Variants in MLLT3 observed in about 807,000 individuals in gnomAD.
MLLT3 encodes the protein protein AF-9.
MLLT3 carries 4 observed loss-of-function variants against 53.2 expected under a neutral mutation model. That is an observed-to-expected ratio of 0.08 (90% CI 0.04 to 0.17). The LOEUF is 0.17. Ranked by LOEUF, MLLT3 falls within the 10% of genes least tolerant of loss-of-function variation. MLLT3 has a pLI of 1.00. For missense variants in MLLT3, 569 were observed against 684.0 expected (o/e 0.83, Z 1.87); for synonymous variants, 283 against 230.6 (o/e 1.23, Z -2.06).
At chr9:20,489,676 A>G (rs1824898733) in intron 2 of MLLT3, among the ~76,000 whole-genome samples, 2 of 152,212 alleles carry the variant, frequency 1.3e-5, no homozygotes, top group Non-Finnish European at 2.9e-5. Flanking sequence ...AGAGTACCTA[A>G]AATTCCAACA....
At chr9:20,588,310 G>C (rs1476868412) in intron 2 of MLLT3, among the ~76,000 whole-genome samples, 2 of 150,004 alleles carry the variant, frequency 1.3e-5, no homozygotes, top group East Asian at 2.0e-4. Flanking sequence ...GCTTAGGATT[G>C]ACTTGGCGAT....
At chr9:20,595,094 C>T (rs939168116) in intron 2 of MLLT3, among the ~76,000 whole-genome samples, 2 of 152,028 alleles carry the variant, frequency 1.3e-5, no homozygotes, top group African/African-American at 4.8e-5. Flanking sequence ...CCGTGGCTCA[C>T]AACTGTCATC....
intron 2 of MLLT3, among the ~76,000 whole-genome samples, chr9:20,499,279 T>G: frequency 6.6e-6 from 1 of 152,290 alleles, no homozygotes; most frequent in East Asian, 1.9e-4. Flanking sequence ...TAAGGTCACA[T>G]TCAAAGGTAC....
chr9:20,428,304 G>A (rs1295948055), intron 4 of MLLT3, among the ~76,000 whole-genome samples: 2 of 151,920 alleles, frequency 1.3e-5, no homozygotes, highest in Non-Finnish European at 2.9e-5. Context: ...ACTAACAGGA[G>A]CCTTTTAGTA....
chr9:20,392,502 A>G (rs114641383), intron 5 of MLLT3, among the ~76,000 whole-genome samples: 1,683 of 152,312 alleles, frequency 0.011, 29 homozygotes, highest in African/African-American at 0.038. Context: ...TCTAAGGCCC[A>G]TCTCCCTTTT....
intron 2 of MLLT3, among the ~76,000 whole-genome samples, chr9:20,458,353 C>T (rs1051528605): frequency 2.0e-5 from 3 of 152,104 alleles, no homozygotes; most frequent in Non-Finnish European, 4.4e-5. Flanking sequence ...CGACAGCAGC[C>T]CAGAATACTT....
intron 10 of MLLT3, among the ~76,000 whole-genome samples, chr9:20,352,710 T>TA (rs59397349): frequency 0.064 from 7,422 of 116,722 alleles, 225 homozygotes; most frequent in African/African-American, 0.086. Flanking sequence ...CATTAAATGT[T>TA]AAAAAAAAAA....
At chr9:20,593,097 T>C (rs148369468) in intron 2 of MLLT3, among the ~76,000 whole-genome samples, 1 of 152,192 alleles carries the variant, frequency 6.6e-6, no homozygotes, top group Non-Finnish European at 1.5e-5. Context: ...AAATTTACTA[T>C]AGCAGAAATT....
In MLLT3 at chr9:20,621,833, C is replaced by T. The variant is rs1821021146; in HGVS notation, c.12+412G>A. The T allele has an allele frequency of 1.4e-6, 2 of 1,405,386 alleles. No individual in the cohort carries two copies. Among genetic ancestry groups the T allele is most frequent in the African/African-American group, 1.5e-5 (1 of 65,538 alleles). The allele number at this position is 1,405,386 out of a possible 1,614,324, so 87.1% of individuals were successfully genotyped here. On this transcript the variant is annotated intron_variant, in intron 1 of 10. Transcript: ENST00000380338. This position sits in a 1 kb window ranked among gnomAD's most constrained non-coding sequence, Gnocchi z 7.0. ...CCGCCGAGGCTGCTCGCCGCGTCCC[C>T]GGACTGTGCCCGCAGCTCCCGGCGG... is the stretch of plus-strand genomic sequence containing the variant.
At chr9:20,591,704 A>T (rs1320122070) in intron 2 of MLLT3, among the ~76,000 whole-genome samples, 1 of 152,230 alleles carries the variant, frequency 6.6e-6, no homozygotes, top group Non-Finnish European at 1.5e-5. Flanking sequence ...AATATTTCAC[A>T]GAAAGAATAC....
chr9:20,457,893 T>C (rs13286582), intron 2 of MLLT3, among the ~76,000 whole-genome samples: 5 of 152,154 alleles, frequency 3.3e-5, no homozygotes, highest in African/African-American at 1.2e-4. Flanking sequence ...TGCATTTTGG[T>C]GGTATCACAA....
intron 5 of MLLT3, among the ~76,000 whole-genome samples, chr9:20,405,426 A>G (rs1822554776): frequency 6.6e-6 from 1 of 152,234 alleles, no homozygotes; most frequent in Non-Finnish European, 1.5e-5. Flanking sequence ...TGTTTAGTCA[A>G]TATCACAGTG....
intron 2 of MLLT3, among the ~76,000 whole-genome samples, chr9:20,461,733 A>G (rs1347616976): frequency 2.0e-5 from 3 of 152,174 alleles, no homozygotes; most frequent in Non-Finnish European, 4.4e-5. Flanking sequence ...AACAGCTGGT[A>G]GATTCCTCTC....
At chr9:20,522,842 G>C (rs1337274488) in intron 2 of MLLT3, among the ~76,000 whole-genome samples, 1 of 152,006 alleles carries the variant, frequency 6.6e-6, no homozygotes, top group African/African-American at 2.4e-5. Flanking sequence ...GTGCCTGTAG[G>C]GCCAGCTACT....
intron 2 of MLLT3, among the ~76,000 whole-genome samples, chr9:20,544,463 T>C (rs1818732122): frequency 6.6e-6 from 1 of 152,122 alleles, no homozygotes; most frequent in Non-Finnish European, 1.5e-5. Context: ...AATATAGAAA[T>C]GGCCAAGAGG....
intron 2 of MLLT3, among the ~76,000 whole-genome samples, chr9:20,544,343 A>AG (rs1190514319): frequency 6.6e-6 from 1 of 152,220 alleles, no homozygotes; most frequent in Non-Finnish European, 1.5e-5. Context: ...ACTTCCATGC[A>AG]GGAAAAAAAA....
chr9:20,504,085 G>T (rs947709699), intron 2 of MLLT3, among the ~76,000 whole-genome samples: 5 of 152,142 alleles, frequency 3.3e-5, no homozygotes, highest in South Asian at 2.1e-4. Context: ...AGAGAAAAAG[G>T]ATCCACTGTA....
Position 20,621,445 on chromosome 9 carries a change from CTG to C in MLLT3, c.13-613_13-612del, listed in dbSNP as rs1821005740. ...CAAAAATGAGACGTCGTCATACACA[CTG>C]AAACACACACACACGCCCGCAGGAA... is the stretch of plus-strand genomic sequence containing the variant. On this transcript the variant is annotated intron_variant, in intron 1 of 10. Coordinates refer to ENST00000380338, the MANE Select transcript of MLLT3 (RefSeq NM_004529.4). This position sits in a 1 kb window ranked among gnomAD's most constrained non-coding sequence, Gnocchi z 7.0. Among the ~76,000 whole-genome samples, 1 of 152,166 alleles carries C rather than the reference CTG, an allele frequency of 6.6e-6. No individual in the cohort carries two copies. The highest frequency in any genetic ancestry group is 2.4e-5 in the African/African-American group (1 of 41,436).
intron 4 of MLLT3, among the ~76,000 whole-genome samples, chr9:20,436,035 C>G (rs1056179468): frequency 1.3e-5 from 2 of 152,050 alleles, no homozygotes; most frequent in African/African-American, 2.4e-5. Context: ...CTTTCCTACC[C>G]TGAGCGGAAA....
Sources: gnomAD v4.1 joint callset for allele counts (sites outside exome capture counted in the v4.1 genomes callset) on GRCh38, gnomAD v4.1.1 for gene constraint, Gnocchi (gnomAD v3.1) non-coding constraint, MANE v1.5 for transcripts, NCBI Gene and HGNC (gene_info 2026-07-23, HGNC 2026-07-21) for gene names.